Variants in NCAM2 observed in about 807,000 individuals in gnomAD.
The protein encoded by NCAM2 is N-CAM-2.
Under a neutral mutation model 98.1 loss-of-function variants are expected in NCAM2, and 30 were observed. The observed-to-expected ratio is 0.31, with a 90% CI of 0.23 to 0.41. NCAM2 has a LOEUF of 0.41. Among genes scored for constraint, NCAM2 ranks in the 10% least tolerant of loss-of-function variants. The pLI is 1.00. For missense variants in NCAM2, 867 were observed against 1,005.8 expected, an observed-to-expected ratio of 0.86 and a Z score of 1.87; for synonymous variants, 368 against 342.4, an observed-to-expected ratio of 1.07 and a Z score of -0.83.
At chr21:21,067,550 C>T (rs1046606816) in intron 1 of NCAM2, among the ~76,000 whole-genome samples, 1 of 152,150 alleles carries the variant, frequency 6.6e-6, no homozygotes, top group African/African-American at 2.4e-5. Context: ...GGAGAATGCA[C>T]ACTCTGATAT....
intron 12 of NCAM2, among the ~76,000 whole-genome samples, chr21:21,444,453 G>C (rs542552420): frequency 9.6e-4 from 143 of 148,394 alleles, no homozygotes; most frequent in Middle Eastern, 3.4e-3. Context: ...CTGTGAATCT[G>C]TCTGGTCCTG....
chr21:21,269,645 C>A (rs929937432), intron 1 of NCAM2, among the ~76,000 whole-genome samples: 6 of 152,070 alleles, frequency 3.9e-5, no homozygotes, highest in African/African-American at 1.4e-4. Flanking sequence ...ATGATTGGCA[C>A]TTAACAAAAG....
chr21:21,224,422 T>C (rs1414509073), intron 1 of NCAM2, among the ~76,000 whole-genome samples: 1 of 152,186 alleles, frequency 6.6e-6, no homozygotes, highest in Non-Finnish European at 1.5e-5. Flanking sequence ...TTCTTTTATC[T>C]ATAGCTTGTA....
At chr21:21,136,934 A>G (rs921940595) in intron 1 of NCAM2, among the ~76,000 whole-genome samples, 1 of 151,578 alleles carries the variant, frequency 6.6e-6, no homozygotes, top group Non-Finnish European at 1.5e-5. Context: ...CAAAAAAGCT[A>G]TAATTTTTAA....
chr21:21,484,271 A>G (rs1200987800), intron 15 of NCAM2, among the ~76,000 whole-genome samples: 1 of 152,114 alleles, frequency 6.6e-6, no homozygotes, highest in African/African-American at 2.4e-5. Context: ...GTTTTGTATG[A>G]AAGTATTTTT....
At chr21:21,270,479 A>G (rs2147423167) in intron 1 of NCAM2, among the ~76,000 whole-genome samples, 1 of 152,266 alleles carries the variant, frequency 6.6e-6, no homozygotes, top group East Asian at 1.9e-4. Context: ...AGGTGGTCCT[A>G]TTGCTTACTG....
intron 15 of NCAM2, among the ~76,000 whole-genome samples, chr21:21,488,415 G>T (rs1414988520): frequency 6.6e-6 from 1 of 151,888 alleles, no homozygotes; most frequent in Non-Finnish European, 1.5e-5. Context: ...TATGTTAAAT[G>T]AAATATATTG....
intron 12 of NCAM2, among the ~76,000 whole-genome samples, chr21:21,459,699 G>A (rs1982680726): frequency 6.6e-6 from 1 of 151,604 alleles, no homozygotes; most frequent in South Asian, 2.1e-4. Context: ...TAGAAGCAGT[G>A]AGTAAAATGG....
At chr21:21,225,477 G>A (rs945472654) in intron 1 of NCAM2, among the ~76,000 whole-genome samples, 3 of 151,760 alleles carry the variant, frequency 2.0e-5, no homozygotes, top group Non-Finnish European at 1.5e-5. Flanking sequence ...TACATATACG[G>A]CAGTTTATAG....
At chr21:21,128,696 T>A (rs1314412316) in intron 1 of NCAM2, among the ~76,000 whole-genome samples, 2 of 152,126 alleles carry the variant, frequency 1.3e-5, no homozygotes, top group Non-Finnish European at 2.9e-5. Flanking sequence ...ATAAAATAAT[T>A]GGGCTTTGTA....
intron 1 of NCAM2, among the ~76,000 whole-genome samples, chr21:21,125,300 A>T (rs886294988): frequency 6.7e-6 from 1 of 149,344 alleles, no homozygotes; most frequent in African/African-American, 2.5e-5. Context: ...TGTGAGATCT[A>T]GTTCATCTAA....
At chr21:21,246,832 C>T (rs141606759) in intron 1 of NCAM2, among the ~76,000 whole-genome samples, 177 of 152,106 alleles carry the variant, frequency 1.2e-3, no homozygotes, top group African/African-American at 4.0e-3. Flanking sequence ...TCTGAAGTAC[C>T]GTGGCTGTAA....
At chr21:21,022,919 TAGA>T (rs1283272149) in intron 1 of NCAM2, among the ~76,000 whole-genome samples, 2 of 152,126 alleles carry the variant, frequency 1.3e-5, no homozygotes, top group Admixed American at 6.6e-5. Flanking sequence ...AAAGTTAGAG[TAGA>T]AGAAGTCAAC....
At chr21:21,027,772 G>T (rs75453435) in intron 1 of NCAM2, among the ~76,000 whole-genome samples, 2,878 of 151,764 alleles carry the variant, frequency 0.019, 38 homozygotes, top group Non-Finnish European at 0.028. Flanking sequence ...ACATTATTTT[G>T]TAGTTACTTC....
intron 1 of NCAM2, among the ~76,000 whole-genome samples, chr21:21,187,876 G>A (rs768939839): frequency 8.5e-5 from 13 of 152,128 alleles, no homozygotes; most frequent in Non-Finnish European, 1.8e-4. Context: ...TAAATAGTGT[G>A]TCTGAACTTC....
intron 1 of NCAM2, among the ~76,000 whole-genome samples, chr21:21,125,891 A>G (rs1256241545): frequency 6.6e-6 from 1 of 151,638 alleles, no homozygotes; most frequent in Non-Finnish European, 1.5e-5. Flanking sequence ...ATGGGAAGAA[A>G]TGATGGAAAG....
intron 16 of NCAM2, among the ~76,000 whole-genome samples, chr21:21,515,566 A>C (rs1031378744): frequency 6.6e-6 from 1 of 152,174 alleles, no homozygotes; most frequent in Non-Finnish European, 1.5e-5. Context: ...ATTATCTCTA[A>C]TGTACTTTTT....
At chr21:21,344,881 C>G (rs1010993651) in intron 8 of NCAM2, among the ~76,000 whole-genome samples, 2 of 152,118 alleles carry the variant, frequency 1.3e-5, no homozygotes, top group African/African-American at 4.8e-5. Context: ...TGCTGATGGC[C>G]ACAGGAGTGC....
intron 8 of NCAM2, among the ~76,000 whole-genome samples, chr21:21,352,679 T>C (rs2075373223): frequency 6.6e-6 from 1 of 151,288 alleles, no homozygotes; most frequent in African/African-American, 2.4e-5. Context: ...TGAGATTACA[T>C]GTAACAATAT....
Sources: gnomAD v4.1 joint callset for allele counts (sites outside exome capture counted in the v4.1 genomes callset) on GRCh38, gnomAD v4.1.1 for gene constraint, MANE v1.5 for transcripts, NCBI Gene and HGNC (gene_info 2026-07-23, HGNC 2026-07-21) for gene names.